PPP1R21: variants seen among roughly 807,000 people sequenced by gnomAD.
PPP1R21 encodes the protein KLRAQ motif containing 1.
Under a neutral mutation model 112.8 loss-of-function variants are expected in PPP1R21, and 85 were observed. The observed-to-expected ratio is 0.75, with a 90% CI of 0.63 to 0.90. The LOEUF (loss-of-function observed/expected upper bound fraction) is 0.90. PPP1R21 is among the 40% of genes least tolerant of loss of function. PPP1R21 has a pLI of 0.00. For missense variants in PPP1R21, 1,199 were observed against 901.5 expected (o/e 1.33, Z -4.23); for synonymous variants, 381 against 322.3 (o/e 1.18, Z -1.95).
At chr2:48,458,808 G>T (rs918344494) in intron 4 of PPP1R21, among the ~76,000 whole-genome samples, 2 of 152,190 alleles carry the variant, frequency 1.3e-5, no homozygotes, top group Admixed American at 1.3e-4. Flanking sequence ...AAGATTCATA[G>T]TGGGCTGGGC....
At chr2:48,452,650 C>T (rs1167433971) in intron 2 of PPP1R21, among the ~76,000 whole-genome samples, 1 of 151,578 alleles carries the variant, frequency 6.6e-6, no homozygotes, top group East Asian at 1.9e-4. Flanking sequence ...TTTGGATTTC[C>T]TGTGTTACAG....
In PPP1R21 at chr2:48,486,551, T is replaced by C. The variant is rs1294162223; in HGVS notation, c.1319-80T>C. 17 of 1,061,714 alleles carry C rather than the reference T, an allele frequency of 1.6e-5. No individual in the cohort carries two copies. In the Admixed American group the frequency reaches 3.0e-4, roughly 19 times the overall value. 65.8% of individuals were successfully genotyped at this position (1,061,714 alleles called of 1,614,324 possible). On this transcript the variant is annotated intron_variant, in intron 13 of 21. Transcript: ENST00000294952. ...TACTTTATAAATTTAGAAGAATAGA[T>C]AGGAGAAGTGAATGGGCTGGTTATC...
intron 17 of PPP1R21, among the ~76,000 whole-genome samples, chr2:48,502,902 A>C (rs988484263): frequency 4.6e-5 from 7 of 151,890 alleles, no homozygotes; most frequent in African/African-American, 1.7e-4. Flanking sequence ...GGATGGCCTC[A>C]ATCTCCTGAC....
intron 11 of PPP1R21, among the ~76,000 whole-genome samples, chr2:48,472,663 A>C (rs1668572154): frequency 6.6e-6 from 1 of 151,992 alleles, no homozygotes; most frequent in Non-Finnish European, 1.5e-5. Context: ...AGATACTGAA[A>C]ATAGGCCAGG....
At chr2:48,460,352 C>A (rs1667921979) in intron 6 of PPP1R21, among the ~76,000 whole-genome samples, 199 bp downstream of exon 6, 1 of 152,116 alleles carries the variant, frequency 6.6e-6, no homozygotes, top group South Asian at 2.1e-4. Flanking sequence ...TAGTTCTCAG[C>A]CTGCAAGGGT....
chr2:48,455,724 G>A (rs1667691578), intron 3 of PPP1R21, among the ~76,000 whole-genome samples: 1 of 152,024 alleles, frequency 6.6e-6, no homozygotes, highest in Non-Finnish European at 1.5e-5. Context: ...CTACTCATAT[G>A]AAAGTAGCGG....
At chr2:48,455,100 A>G (rs554944678) in intron 3 of PPP1R21, among the ~76,000 whole-genome samples, 1 of 151,164 alleles carries the variant, frequency 6.6e-6, no homozygotes, top group East Asian at 1.9e-4. Context: ...GGCCTCCCAA[A>G]GTGCTATGAT....
At chr2:48,458,825 T>G (rs895672163) in intron 4 of PPP1R21, among the ~76,000 whole-genome samples, 9 of 152,030 alleles carry the variant, frequency 5.9e-5, no homozygotes, top group East Asian at 1.9e-4. Context: ...GGGCGCAGTG[T>G]CTCATGCCTG....
intron 21 of PPP1R21, among the ~76,000 whole-genome samples, chr2:48,511,952 G>C (rs1670663642): frequency 6.6e-6 from 1 of 151,926 alleles, no homozygotes; most frequent in Non-Finnish European, 1.5e-5. Context: ...AAGTGTCTTT[G>C]GCTGAATTAA....
intron 19 of PPP1R21, 54 bp from the exon 20 acceptor site, chr2:48,509,961 A>G (rs1670557552): frequency 7.4e-7 from 1 of 1,359,350 alleles, no homozygotes; most frequent in East Asian, 2.3e-5. Flanking sequence ...CCCGAAGCAA[A>G]TTTGGTTTTA....
intron 17 of PPP1R21, among the ~76,000 whole-genome samples, chr2:48,499,708 A>T (rs75324404): frequency 0.017 from 2,535 of 152,350 alleles, 70 homozygotes; most frequent in African/African-American, 0.058. Context: ...CTTTTTCATG[A>T]GGCAGATTGT....
At chr2:48,448,840 G>C (rs1041848293) in intron 1 of PPP1R21, among the ~76,000 whole-genome samples, 2 of 152,162 alleles carry the variant, frequency 1.3e-5, no homozygotes, top group Non-Finnish European at 2.9e-5. Context: ...AAATATTTTA[G>C]GCTTGAGGCT....
chr2:48,454,288 A>AAATAAATC (rs1302936884), intron 2 of PPP1R21, among the ~76,000 whole-genome samples: 4 of 152,036 alleles, frequency 2.6e-5, no homozygotes, highest in Admixed American at 6.6e-5. Context: ...ATAAATAAAT[A>AAATAAATC]AATCAAATAA....
chr2:48,483,195 C>CTTTTTTTTTT (rs755036470), intron 13 of PPP1R21, among the ~76,000 whole-genome samples: 11 of 80,916 alleles, frequency 1.4e-4, no homozygotes, highest in Middle Eastern at 0.025. Context: ...CTTTTTTTTC[C>CTTTTTTTTTT]TTTTTTTTTT....
At chr2:48,490,387 C>G (rs1669509996) in intron 14 of PPP1R21, among the ~76,000 whole-genome samples, 1 of 152,100 alleles carries the variant, frequency 6.6e-6, no homozygotes, top group South Asian at 2.1e-4. Flanking sequence ...AGATACAAAA[C>G]CACAGAGGTA....
intron 7 of PPP1R21, among the ~76,000 whole-genome samples, chr2:48,464,530 T>C (rs1016587815): frequency 1.3e-5 from 2 of 152,184 alleles, no homozygotes; most frequent in South Asian, 2.1e-4. Flanking sequence ...GATAGATTTT[T>C]CCGGTAATGT....
chr2:48,507,090 A>G, intron 18 of PPP1R21, 179 bp from the exon 19 acceptor site: 1 of 821,512 alleles, frequency 1.2e-6, no homozygotes, highest in Non-Finnish European at 1.7e-6. Context: ...AATAAAAGAA[A>G]TTTGGAATAT....
chr2:48,495,876 A>C (rs1307448732), intron 16 of PPP1R21, 105 bp downstream of exon 16: 2 of 682,490 alleles, frequency 2.9e-6, no homozygotes. Flanking sequence ...CTGCATAAAT[A>C]AACATGTGAA....
chr2:48,504,363 C>G (rs1370689165), intron 17 of PPP1R21, among the ~76,000 whole-genome samples: 1 of 152,184 alleles, frequency 6.6e-6, no homozygotes, highest in Non-Finnish European at 1.5e-5. Flanking sequence ...TGTCTATTGA[C>G]TGGGTGCGGT....
Sources: gnomAD v4.1 joint callset for allele counts (sites outside exome capture counted in the v4.1 genomes callset) on GRCh38, gnomAD v4.1.1 for gene constraint, MANE v1.5 for transcripts, NCBI Gene and HGNC (gene_info 2026-07-23, HGNC 2026-07-21) for gene names.